The following PCDH11X variants were observed in gnomAD, a reference collection of about 807,000 sequenced individuals.
PCDH11X encodes the protein protocadherin-11 X-linked.
Under a neutral mutation model 53.3 loss-of-function variants are expected in PCDH11X, and 18 were observed. The observed-to-expected ratio is 0.34, with a 90% CI of 0.23 to 0.50. The LOEUF (loss-of-function observed/expected upper bound fraction) is 0.50. Among genes scored for constraint, PCDH11X ranks in the 20% least tolerant of loss-of-function variants. PCDH11X has a pLI of 0.98. For synonymous variants in PCDH11X, 279 were observed against 393.3 expected (o/e 0.71, Z 3.44); for missense variants, 570 against 1,032.4 (o/e 0.55, Z 6.14).
At chrX:92,541,702 T>G (rs1488990918) in intron 10 of PCDH11X, among the ~76,000 whole-genome samples, 1 of 99,276 alleles carries the variant, frequency 1.0e-5, no homozygotes, top group African/African-American at 3.7e-5. Flanking sequence ...ATAACTCAAT[T>G]AAAAAAAAAA....
chrX:92,180,623 C>T (rs1180160187), intron 6 of PCDH11X, among the ~76,000 whole-genome samples: 1 of 111,285 alleles, frequency 9.0e-6, no homozygotes, highest in East Asian at 2.8e-4. Flanking sequence ...TCTTGAATTC[C>T]CATATGTTGT....
chrX:91,795,921 T>A (rs1180564854), intron 1 of PCDH11X, among the ~76,000 whole-genome samples: 1 of 111,964 alleles, frequency 8.9e-6, no homozygotes, highest in Non-Finnish European at 1.9e-5. Flanking sequence ...TTTTGCTTAT[T>A]TACAGAAAAA....
intron 8 of PCDH11X, among the ~76,000 whole-genome samples, chrX:92,321,209 T>C (rs1430497887): frequency 3.7e-4 from 38 of 102,876 alleles, no homozygotes; most frequent in African/African-American, 1.4e-3. Flanking sequence ...TTTTTTTTTT[T>C]TGAGATGGAG....
At chrX:91,896,185 T>A (rs908456543) in intron 6 of PCDH11X, among the ~76,000 whole-genome samples, 3 of 109,859 alleles carry the variant, frequency 2.7e-5, no homozygotes, top group African/African-American at 1.0e-4. Flanking sequence ...AGTGCAGTGG[T>A]GCAATCTCGG....
At chrX:92,264,221 C>T (rs2067776806) in intron 8 of PCDH11X, among the ~76,000 whole-genome samples, 1 of 111,686 alleles carries the variant, frequency 9.0e-6, no homozygotes, top group Non-Finnish European at 1.9e-5. Context: ...GAATACAATG[C>T]CAAAAGGGAT....
chrX:92,348,606 G>A (rs1183799420), intron 8 of PCDH11X, among the ~76,000 whole-genome samples: 1 of 107,626 alleles, frequency 9.3e-6, no homozygotes, highest in African/African-American at 3.4e-5. Context: ...GTGTGATCTC[G>A]GCTCACTGCA....
At chrX:92,306,667 C>CGCCGTG (rs1319649675) in intron 8 of PCDH11X, among the ~76,000 whole-genome samples, 1 of 109,321 alleles carries the variant, frequency 9.1e-6, no homozygotes, top group Non-Finnish European at 1.9e-5. Flanking sequence ...CTTGACCAGG[C>CGCCGTG]GCCGTGGTTC....
intron 10 of PCDH11X, among the ~76,000 whole-genome samples, chrX:92,540,721 C>T (rs1262898305): frequency 9.3e-6 from 1 of 107,613 alleles, no homozygotes; most frequent in Non-Finnish European, 1.9e-5. Context: ...TACTCCCTGA[C>T]TATCACTCCT....
chrX:91,986,566 G>A (rs2062231039), intron 6 of PCDH11X, among the ~76,000 whole-genome samples: 1 of 110,269 alleles, frequency 9.1e-6, no homozygotes, highest in South Asian at 4.0e-4. Flanking sequence ...GGTGACAATA[G>A]GTTTATTTCC....
At chrX:92,456,599 A>G (rs1337339101) in intron 9 of PCDH11X, among the ~76,000 whole-genome samples, 2 of 111,583 alleles carry the variant, frequency 1.8e-5, no homozygotes, top group Non-Finnish European at 3.8e-5. Context: ...TGAAGTGCAG[A>G]TGATTTTTAA....
At chrX:91,827,679 T>G (rs771163821) in intron 4 of PCDH11X, among the ~76,000 whole-genome samples, 1 of 110,910 alleles carries the variant, frequency 9.0e-6, no homozygotes, top group South Asian at 3.8e-4. Context: ...GCTACCCAGA[T>G]GTCCCAGCCC....
intron 10 of PCDH11X, among the ~76,000 whole-genome samples, chrX:92,615,283 G>A (rs1402406675): frequency 3.6e-5 from 4 of 110,587 alleles, no homozygotes; most frequent in African/African-American, 1.3e-4. Context: ...TGAAAAGTGG[G>A]GCAACTCAGA....
intron 7 of PCDH11X, among the ~76,000 whole-genome samples, chrX:92,251,328 A>T (rs1466245788): frequency 9.0e-6 from 1 of 111,218 alleles, no homozygotes; most frequent in African/African-American, 3.3e-5. Context: ...AAAGGAGTAT[A>T]GCTTATTCTT....
chrX:91,984,240 T>A (rs779431843), intron 6 of PCDH11X, among the ~76,000 whole-genome samples: 2 of 101,354 alleles, frequency 2.0e-5, no homozygotes, highest in Admixed American at 1.1e-4. Context: ...TTCACTTTTT[T>A]AATAAATATT....
chrX:91,954,725 G>A (rs1003088863), intron 6 of PCDH11X, among the ~76,000 whole-genome samples: 5 of 110,961 alleles, frequency 4.5e-5, no homozygotes, highest in Admixed American at 2.9e-4. Context: ...GTTGAGCTTC[G>A]TTTCATATGT....
chrX:91,924,749 A>G (rs1372645073), intron 6 of PCDH11X, among the ~76,000 whole-genome samples: 3 of 111,097 alleles, frequency 2.7e-5, no homozygotes, highest in Admixed American at 1.9e-4. Flanking sequence ...TAAGAAATTG[A>G]GTACCTTTTG....
chrX:91,859,730 CTTGT>C (rs1368639362), intron 5 of PCDH11X, among the ~76,000 whole-genome samples: 3 of 87,584 alleles, frequency 3.4e-5, no homozygotes, highest in Non-Finnish European at 6.5e-5. Flanking sequence ...TTCCCCATTG[CTTGT>C]TTTTTTTTTT....
chrX:92,303,089 G>C (rs2068755542), intron 8 of PCDH11X, among the ~76,000 whole-genome samples: 1 of 109,027 alleles, frequency 9.2e-6, no homozygotes. Flanking sequence ...ATGCTTAGCA[G>C]GCAGCTAGAA....
intron 10 of PCDH11X, among the ~76,000 whole-genome samples, chrX:92,579,367 CTCTT>C (rs1923374522): frequency 9.2e-6 from 1 of 108,434 alleles, no homozygotes; most frequent in Admixed American, 1.0e-4. Context: ...TTTCCCTCCT[CTCTT>C]TCAGGCACCC....
Sources: allele counts gnomAD v4.1 joint callset (sites outside exome capture counted in the v4.1 genomes callset), GRCh38; gene constraint gnomAD v4.1.1; transcripts MANE v1.5; gene names NCBI Gene and HGNC (gene_info 2026-07-23, HGNC 2026-07-21).